CP: variants seen among roughly 807,000 people sequenced by gnomAD.
The protein encoded by CP is ceruloplasmin.
A neutral mutation model predicts 122.4 loss-of-function variants in CP; 64 were observed. The ratio of observed to expected loss-of-function variants is 0.52; its 90% CI spans 0.43 to 0.64. The LOEUF (loss-of-function observed/expected upper bound fraction) is 0.64, where lower values mean the gene tolerates loss of function less well. Among genes scored for constraint, CP ranks in the 30% least tolerant of loss-of-function variants. The pLI, the probability that CP is intolerant of heterozygous loss-of-function variation, is 0.00. For missense variants in CP, 1,167 were observed against 1,284.4 expected (o/e 0.91, Z 1.40); for synonymous variants, 440 against 436.4 (o/e 1.01, Z -0.10).
intron 6 of CP, 135 bp from the exon 7 acceptor site, chr3:149,202,376 C>T (rs757087449): frequency 8.5e-5 from 94 of 1,105,416 alleles, no homozygotes; most frequent in Middle Eastern, 2.8e-4. Context: ...TATAGCAATC[C>T]GTACCAGTTA....
At chr3:149,174,996 C>T (rs1445981064) in intron 18 of CP, among the ~76,000 whole-genome samples, 2 of 151,990 alleles carry the variant, frequency 1.3e-5, no homozygotes, top group Non-Finnish European at 2.9e-5. Flanking sequence ...TCTTCTTTCA[C>T]GGTTGTTACA....
At chr3:149,181,978 C>CGGGGG in intron 14 of CP, 27 bp downstream of exon 14, 1 of 512,320 alleles carries the variant, frequency 2.0e-6, no homozygotes, top group Non-Finnish European at 3.7e-6. Context: ...TAAAATGCAC[C>CGGGGG]ACCCCCACCC....
intron 13 of CP, among the ~76,000 whole-genome samples, chr3:149,183,125 T>C (rs899943359): frequency 3.4e-4 from 52 of 152,252 alleles, no homozygotes; most frequent in Non-Finnish European, 6.5e-4. Flanking sequence ...CACACCATCC[T>C]GGGCGACAGA....
rs529993905 is a variant in CP, at chr3:149,175,397, C to T, written c.3181+853G>A. Among the ~76,000 whole-genome samples the T allele has an allele frequency of 2.0e-5, 3 of 152,234 alleles. No individual in the cohort carries two copies. In the East Asian group the frequency reaches 5.8e-4, roughly 29 times the overall value. Reference sequence around the variant, plus strand: ...TAAGACCCAGGAGCAGAAATTAAAACTTTCCATTTGCACTAAAGGTTAACC... The same window carrying T: ...TAAGACCCAGGAGCAGAAATTAAAATTTTCCATTTGCACTAAAGGTTAACC... On this transcript the variant is annotated intron_variant, in intron 18 of 18. Transcript: ENST00000264613.
intron 1 of CP, among the ~76,000 whole-genome samples, chr3:149,221,308 G>A (rs1728793488): frequency 2.6e-5 from 4 of 152,084 alleles, no homozygotes; most frequent in Non-Finnish European, 5.9e-5. Context: ...ATTAAATGGT[G>A]CAATAAACAT....
chr3:149,189,195 A>G (rs559300778), intron 9 of CP, among the ~76,000 whole-genome samples: 1 of 152,306 alleles, frequency 6.6e-6, no homozygotes, highest in African/African-American at 2.4e-5. Context: ...TGAAAACAAG[A>G]CAAAATTACA....
chr3:149,180,448 CA>C (rs1268636082), intron 14 of CP, among the ~76,000 whole-genome samples: 7 of 152,172 alleles, frequency 4.6e-5, no homozygotes, highest in Non-Finnish European at 1.0e-4. Context: ...GCTTCCTGTG[CA>C]ACTGCTCACA....
At chr3:149,207,751 T>G (rs997701935) in intron 4 of CP, 134 bp from the exon 5 acceptor site, 1 of 881,278 alleles carries the variant, frequency 1.1e-6, no homozygotes, top group Non-Finnish European at 1.8e-6. Flanking sequence ...CCCCCTATAC[T>G]CATGTCAGAC....
intron 1 of CP, among the ~76,000 whole-genome samples, chr3:149,221,050 T>G (rs1728774803): frequency 6.6e-6 from 1 of 152,146 alleles, no homozygotes. Flanking sequence ...CATTTTTTTA[T>G]GCACATATGT....
At chr3:149,198,627 T>C (rs767213220) in intron 8 of CP, 49 bp from the exon 9 acceptor site, 21 of 1,528,008 alleles carry the variant, frequency 1.4e-5, no homozygotes, top group Non-Finnish European at 1.9e-5. Flanking sequence ...TCTAACGTGG[T>C]CATTTGAGCC....
intron 2 of CP, among the ~76,000 whole-genome samples, chr3:149,212,014 C>T (rs1728129792): frequency 6.6e-6 from 1 of 152,040 alleles, no homozygotes; most frequent in Non-Finnish European, 1.5e-5. Flanking sequence ...AAATAGTTGG[C>T]CGGGTGCAGT....
intron 7 of CP, among the ~76,000 whole-genome samples, chr3:149,200,212 G>A (rs1727206911): frequency 6.6e-6 from 1 of 152,150 alleles, no homozygotes; most frequent in South Asian, 2.1e-4. Context: ...CCAAGAGTTA[G>A]GTGCTATAAA....
chr3:149,177,915 G>A lies in CP; in HGVS notation c.2943C>T (p.Asn981=). The A allele has an allele frequency of 6.2e-7, 1 of 1,613,518 alleles. No homozygotes were observed. Among genetic ancestry groups the A allele is most frequent in the Non-Finnish European group, 8.5e-7 (1 of 1,179,478 alleles). Residue 981 remains asparagine (N), a synonymous_variant, in exon 17 of 19, where the codon AAC becomes AAT. Transcript: ENST00000264613. ...GLTMHVGDEV[N]WYLMGMGNEI... ...CATTGCCCATTCCCATCAGATACCAGTTGACTTCATCTCCCACGTGCATTG... is the reference window on the plus strand; with the variant it reads ...CATTGCCCATTCCCATCAGATACCAATTGACTTCATCTCCCACGTGCATTG...
intron 5 of CP, among the ~76,000 whole-genome samples, chr3:149,206,572 T>C (rs1236009638): frequency 6.6e-6 from 1 of 152,236 alleles, no homozygotes; most frequent in Admixed American, 6.5e-5. Context: ...TAAGCATATA[T>C]GTTTTCAAAA....
At chr3:149,209,450 GGT>G (rs1727962966) in intron 3 of CP, 66 bp from the exon 4 acceptor site, 1 of 1,483,918 alleles carries the variant, frequency 6.7e-7, no homozygotes, top group Non-Finnish European at 9.3e-7. Context: ...TATGTTTTCA[GGT>G]GATTTATAGT....
intron 14 of CP, among the ~76,000 whole-genome samples, chr3:149,180,879 C>T (rs1038119278): frequency 6.6e-6 from 1 of 152,128 alleles, no homozygotes; most frequent in Non-Finnish European, 1.5e-5. Flanking sequence ...TCATGCTTGA[C>T]TCCTCTCTTC....
intron 18 of CP, 150 bp from the exon 19 acceptor site, chr3:149,173,880 C>T (rs1725222415): frequency 2.1e-6 from 1 of 472,594 alleles, no homozygotes; most frequent in Non-Finnish European, 3.9e-6. Flanking sequence ...AAAAATCTCT[C>T]ATTCTATTGC....
chr3:149,206,749 T>G (rs1318963234), intron 5 of CP, among the ~76,000 whole-genome samples: 1 of 152,198 alleles, frequency 6.6e-6, no homozygotes, highest in East Asian at 1.9e-4. Flanking sequence ...ATATTATTGC[T>G]GTCTTGTACA....
Position 149,182,125 on chromosome 3 carries a change from G to A in CP, c.2434C>T (p.Leu812Phe). Residue 812 changes from leucine (L) to phenylalanine (F), a missense_variant, in exon 14 of 19, where the codon CTT (leucine) becomes TTT (phenylalanine). By Grantham distance (22) the Leu-to-Phe change is conservative (BLOSUM62 0). Transcript: ENST00000264613. ...ACTTTGTCTCCAACATCTGCATGAA[G>A]TTGTGGACCTGGCAAAAGTGAAGAG... ...EEHLGILGPQ[L>F]HADVGDKVKI... 6.2e-7 allele frequency: 1 copy of A among 1,614,084 alleles called. No individual in the cohort carries two copies. The highest frequency in any genetic ancestry group is 2.2e-5 in the East Asian group (1 of 44,864).
Sources: allele counts gnomAD v4.1 joint callset (sites outside exome capture counted in the v4.1 genomes callset), GRCh38; gene constraint gnomAD v4.1.1; transcripts MANE v1.5; gene names NCBI Gene and HGNC (gene_info 2026-07-23, HGNC 2026-07-21).